PCLO: variants seen among roughly 807,000 people sequenced by gnomAD.
PCLO encodes piccolo presynaptic cytomatrix protein.
PCLO carries 82 observed loss-of-function variants against 427.5 expected under a neutral mutation model. The ratio of observed to expected loss-of-function variants is 0.19; its 90% confidence interval spans 0.16 to 0.23. The LOEUF (loss-of-function observed/expected upper bound fraction) is 0.23, where lower values mean the gene tolerates loss of function less well. PCLO is among the 10% of genes least tolerant of loss of function. The pLI, the probability that PCLO is intolerant of heterozygous loss-of-function variation, is 1.00. For synonymous variants in PCLO, 2,357 were observed against 2,155.4 expected (o/e 1.09, Z -2.59); for missense variants, 6,239 against 6,115.9 (o/e 1.02, Z -0.67).
chr7:82,798,991 C>T (rs1219049871), intron 22 of PCLO, among the ~76,000 whole-genome samples: 1 of 152,098 alleles, frequency 6.6e-6, no homozygotes, highest in Non-Finnish European at 1.5e-5. Context: ...ATAAAGTCGC[C>T]TCTGATTGGC....
At chr7:82,941,487 G>A (rs569081198) in intron 6 of PCLO, among the ~76,000 whole-genome samples, 1 of 152,126 alleles carries the variant, frequency 6.6e-6, no homozygotes, top group African/African-American at 2.4e-5. Flanking sequence ...GTAGGTACAG[G>A]TGTGCAAAGG....
chr7:83,103,007 A>AGGAATTTAGAACCATTATTATAGT (rs140473409), intron 3 of PCLO, among the ~76,000 whole-genome samples: 1 of 151,330 alleles, frequency 6.6e-6, no homozygotes, highest in Non-Finnish European at 1.5e-5. Flanking sequence ...TCCCTTCCTG[A>AGGAATTTAGAACCATTATTATAGT]GATATTTTAC....
chr7:83,037,837 C>T (rs1788832843), intron 3 of PCLO, among the ~76,000 whole-genome samples: 1 of 148,416 alleles, frequency 6.7e-6, no homozygotes, highest in African/African-American at 2.5e-5. Flanking sequence ...TTAAAATCTA[C>T]ATATAATGAC....
intron 4 of PCLO, 89 bp from the exon 5 acceptor site, chr7:82,957,024 C>A: frequency 1.5e-6 from 2 of 1,328,088 alleles, no homozygotes; most frequent in Non-Finnish European, 1.9e-6. Flanking sequence ...CTATTAGGAA[C>A]TGAAAAATAA....
intron 22 of PCLO, among the ~76,000 whole-genome samples, chr7:82,762,842 A>G (rs1790458881): frequency 6.6e-6 from 1 of 151,846 alleles, no homozygotes; most frequent in East Asian, 1.9e-4. Flanking sequence ...GAGTCTTGCT[A>G]TGTTGCCTAG....
chr7:83,160,443 T>G (rs909512067), intron 1 of PCLO, among the ~76,000 whole-genome samples: 1 of 152,170 alleles, frequency 6.6e-6, no homozygotes. Flanking sequence ...ACCAAATGTT[T>G]CTTTGGTAAC....
intron 8 of PCLO, among the ~76,000 whole-genome samples, chr7:82,905,844 T>G (rs369607936): frequency 6.6e-6 from 1 of 152,028 alleles, no homozygotes; most frequent in South Asian, 2.1e-4. Context: ...AGGGATTTTA[T>G]AATAGTCAAG....
At position 82,938,229 on chromosome 7, in the gene PCLO, T is replaced by C. The variant is rs576499657; in HGVS notation, c.11112+11247A>G. Reference sequence around the variant, plus strand: ...TATATTACATTTTGACATTTCATTGTTGTAAAGTGAAATATTTATTAACTA... The same window carrying C: ...TATATTACATTTTGACATTTCATTGCTGTAAAGTGAAATATTTATTAACTA... On this transcript the variant is annotated intron_variant, in intron 6 of 24. Transcript: ENST00000333891. Among the ~76,000 whole-genome samples, 50 of 152,088 alleles carry C rather than the reference T, an allele frequency of 3.3e-4. 1 individual carries two copies. The South Asian group carries it at 9.9e-3, about 30-fold the overall frequency.
intron 2 of PCLO, among the ~76,000 whole-genome samples, chr7:83,144,799 T>G (rs993468514): frequency 3.9e-5 from 6 of 152,172 alleles, no homozygotes; most frequent in African/African-American, 1.4e-4. Context: ...ACATTAAAAA[T>G]TTTCCCCAAA....
chr7:82,798,687 A>T (rs1277703278), intron 22 of PCLO, among the ~76,000 whole-genome samples: 1 of 152,138 alleles, frequency 6.6e-6, no homozygotes, highest in Non-Finnish European at 1.5e-5. Context: ...TCTCCATATT[A>T]TTAACTTTTT....
Position 82,935,621 on chromosome 7 carries a change from C to G in PCLO, c.11112+13855G>C, listed in dbSNP as rs569942808. 4.0e-5 allele frequency among the ~76,000 whole-genome samples: 6 copies of G among 151,634 alleles called. No individual in the cohort carries two copies. The East Asian group carries it at 9.7e-4, about 24-fold the overall frequency. ...AACTTAACTACATTTTCACATGAAG[C>G]TAAAAGTGAAATGGGTAAGCTATCA... On this transcript the variant is annotated intron_variant, in intron 6 of 24. Transcript: ENST00000333891.
At chr7:83,012,486 G>A (rs1420288383) in intron 3 of PCLO, among the ~76,000 whole-genome samples, 1 of 151,580 alleles carries the variant, frequency 6.6e-6, no homozygotes, top group Non-Finnish European at 1.5e-5. Context: ...GAGTGGTGGC[G>A]GGCACCTGTA....
chr7:82,976,718 A>C (rs1226972802), intron 3 of PCLO, among the ~76,000 whole-genome samples: 1 of 150,940 alleles, frequency 6.6e-6, no homozygotes, highest in Non-Finnish European at 1.5e-5. Context: ...TTAGTTTCTA[A>C]AAAAAAAATA....
intron 2 of PCLO, among the ~76,000 whole-genome samples, chr7:83,139,152 A>G (rs1256004807): frequency 2.0e-5 from 3 of 152,174 alleles, no homozygotes; most frequent in Non-Finnish European, 4.4e-5. Flanking sequence ...AATATCACTA[A>G]ACACATAGAA....
chr7:82,799,979 C>T (rs1791309266), intron 22 of PCLO, among the ~76,000 whole-genome samples: 1 of 152,054 alleles, frequency 6.6e-6, no homozygotes, highest in South Asian at 2.1e-4. Context: ...ACACAAATGC[C>T]TGACATACTG....
Position 82,767,283 on chromosome 7 carries a change from G to A in PCLO, c.15008-5790C>T, listed in dbSNP as rs1414178883. On this transcript the variant is annotated intron_variant, in intron 22 of 24. Coordinates refer to ENST00000333891, the MANE Select transcript of PCLO (RefSeq NM_033026.6). ...TCCTGAAACTTATGCTTCTTTGGTC[G>A]TATTAAAAGAATAAAAATTAATCCT... is the stretch of plus-strand genomic sequence containing the variant. Among the ~76,000 whole-genome samples, 4 of 152,114 alleles carry A rather than the reference G, an allele frequency of 2.6e-5. No individual in the cohort carries two copies. In the East Asian group the frequency reaches 5.8e-4, roughly 22 times the overall value.
chr7:82,866,023 A>T (rs1793083780), intron 10 of PCLO, among the ~76,000 whole-genome samples: 1 of 152,176 alleles, frequency 6.6e-6, no homozygotes, highest in African/African-American at 2.4e-5. Context: ...TACTTTTGGT[A>T]TCCGCTCTTT....
At chr7:82,907,734 G>A (rs1584133479) in intron 8 of PCLO, among the ~76,000 whole-genome samples, 1 of 151,988 alleles carries the variant, frequency 6.6e-6, no homozygotes, top group East Asian at 1.9e-4. Context: ...GAAATTTATA[G>A]TAGAGAGGAA....
chr7:83,053,715 T>G lies in PCLO; in HGVS notation c.3300+80535A>C, dbSNP rs756025154. On this transcript the variant is annotated intron_variant, in intron 3 of 24. Transcript: ENST00000333891. ...ATTAATTCTAAATCCATCTAATTAT[T>G]CTGAGTTTTCAATAACTCTCTTCTT... 2.6e-5 allele frequency among the ~76,000 whole-genome samples: 4 copies of G among 151,922 alleles called. No homozygotes were observed. In the South Asian group the frequency reaches 8.3e-4, roughly 31 times the overall value.
Sources: gnomAD v4.1 joint callset for allele counts (sites outside exome capture counted in the v4.1 genomes callset) on GRCh38, gnomAD v4.1.1 for gene constraint, MANE v1.5 for transcripts, NCBI Gene and HGNC (gene_info 2026-07-23, HGNC 2026-07-21) for gene names.